The following AGAP1 variants were observed in gnomAD, a reference collection of about 807,000 sequenced individuals.
AGAP1 encodes the protein arf-GAP with GTPase, ANK repeat and PH domain-containing protein 1.
A neutral mutation model predicts 105.3 loss-of-function variants in AGAP1; 29 were observed. The ratio of observed to expected loss-of-function variants is 0.28; its 90% CI spans 0.21 to 0.38. The LOEUF (loss-of-function observed/expected upper bound fraction) is 0.38, where lower values mean the gene tolerates loss of function less well. Among genes scored for constraint, AGAP1 ranks in the 10% least tolerant of loss-of-function variants. AGAP1 has a pLI of 1.00. For synonymous variants in AGAP1, 509 were observed against 485.9 expected, an observed-to-expected ratio of 1.05 and a Z score of -0.63; for missense variants, 998 against 1,165.1, an observed-to-expected ratio of 0.86 and a Z score of 2.09.
chr2:236,012,071 A>G lies in AGAP1; in HGVS notation c.1646-24490A>G, dbSNP rs2056531822. ...CCGATGCACATATCAGGACCTTGGT[A>G]TCAGCTAGAAAACATCCATTTGTTT... is the stretch of plus-strand genomic sequence containing the variant. On this transcript the variant is annotated intron_variant, in intron 13 of 17. Transcript: ENST00000304032. This position sits in a 1 kb window ranked among gnomAD's most constrained non-coding sequence, Gnocchi z 4.9. 6.6e-6 allele frequency among the ~76,000 whole-genome samples: 1 copy of G among 152,198 alleles called. No individual in the cohort carries two copies. The highest frequency in any genetic ancestry group is 1.5e-5 in the Non-Finnish European group (1 of 68,036).
intron 1 of AGAP1, among the ~76,000 whole-genome samples, chr2:235,687,462 G>A (rs776991084): frequency 2.6e-5 from 4 of 152,140 alleles, no homozygotes; most frequent in Non-Finnish European, 5.9e-5. Context: ...GACCTTTGGG[G>A]GTGACAGTCC....
At position 235,882,443 on chromosome 2, in the gene AGAP1, C is replaced by G. The variant is rs2050074531; in HGVS notation, c.1051-902C>G. On this transcript the variant is annotated intron_variant, in intron 9 of 17. Transcript: ENST00000304032. The surrounding 1 kb of genome is among the most constrained non-coding windows in gnomAD (Gnocchi z 4.6). ...TCTCCTGCGTCTCCGTTTTCTTCAGCTTGGCCCTATTGAAGCTGGCGATTC... is the reference window on the plus strand; with the variant it reads ...TCTCCTGCGTCTCCGTTTTCTTCAGGTTGGCCCTATTGAAGCTGGCGATTC... 3.8e-6 allele frequency: 6 copies of G among 1,587,158 alleles called. No homozygotes were observed. Among genetic ancestry groups the G allele is most frequent in the Non-Finnish European group, 5.2e-6 (6 of 1,158,942 alleles).
Position 236,092,311 on chromosome 2 carries a change from C to T in AGAP1, c.2115-27881C>T, listed in dbSNP as rs1290477207. On this transcript the variant is annotated intron_variant, in intron 16 of 17. Transcript: ENST00000304032. This position sits in a 1 kb window ranked among gnomAD's most constrained non-coding sequence, Gnocchi z 4.7. ...CATATCCTATGGTGATAACATACTA[C>T]AGTTTTTCAAGATACTGCCTTTGAG... Among the ~76,000 whole-genome samples, 1 of 152,210 alleles carries T rather than the reference C, an allele frequency of 6.6e-6. No individual in the cohort carries two copies. Among genetic ancestry groups the T allele is most frequent in the Non-Finnish European group, 1.5e-5 (1 of 68,036 alleles).
chr2:235,706,430 A>G (rs1024419520), intron 1 of AGAP1, among the ~76,000 whole-genome samples: 1 of 151,660 alleles, frequency 6.6e-6, no homozygotes, highest in African/African-American at 2.4e-5. Flanking sequence ...GGGTTTCACC[A>G]TGTTAGCCAG....
intron 1 of AGAP1, among the ~76,000 whole-genome samples, chr2:235,544,584 T>G (rs865912457): frequency 1.3e-5 from 2 of 152,170 alleles, no homozygotes; most frequent in Non-Finnish European, 2.9e-5. Context: ...ATGCACGAAG[T>G]CATCCAGGTG....
intron 16 of AGAP1, among the ~76,000 whole-genome samples, chr2:236,066,976 A>G (rs2058361565): frequency 6.6e-6 from 1 of 152,028 alleles, no homozygotes; most frequent in Admixed American, 6.6e-5. Flanking sequence ...CCAATGATAC[A>G]TTTTCCCCAT....
chr2:235,768,257 A>G (rs1955140489), intron 6 of AGAP1, among the ~76,000 whole-genome samples: 1 of 152,224 alleles, frequency 6.6e-6, no homozygotes, highest in Admixed American at 6.5e-5. Flanking sequence ...CTCATATTAG[A>G]ACACTTTCAA....
intron 10 of AGAP1, among the ~76,000 whole-genome samples, chr2:235,894,788 C>T (rs1018814810): frequency 5.3e-5 from 8 of 152,186 alleles, no homozygotes; most frequent in Non-Finnish European, 1.0e-4. Context: ...CGGCTCCTCT[C>T]TTAGCTGATC....
At chr2:235,687,021 A>C (rs1201348035) in intron 1 of AGAP1, among the ~76,000 whole-genome samples, 2 of 151,912 alleles carry the variant, frequency 1.3e-5, no homozygotes, top group Non-Finnish European at 2.9e-5. Flanking sequence ...CTCTCCATTC[A>C]ACCCTGATGA....
intron 16 of AGAP1, among the ~76,000 whole-genome samples, chr2:236,065,869 A>T (rs2058331870): frequency 6.6e-6 from 1 of 152,196 alleles, no homozygotes; most frequent in African/African-American, 2.4e-5. Flanking sequence ...TCCTTATCAG[A>T]TGGGAAAATC....
intron 6 of AGAP1, among the ~76,000 whole-genome samples, chr2:235,759,451 G>C (rs553679604): frequency 2.6e-5 from 4 of 152,038 alleles, no homozygotes; most frequent in African/African-American, 9.7e-5. Context: ...TTACAGGCGT[G>C]AGCCACCGCG....
intron 1 of AGAP1, among the ~76,000 whole-genome samples, chr2:235,652,613 C>T (rs905798391): frequency 3.9e-5 from 6 of 152,118 alleles, no homozygotes; most frequent in African/African-American, 9.7e-5. Context: ...GATCCTAGGC[C>T]GGGTGCGGTG....
chr2:236,011,914 G>T (rs886844558), intron 13 of AGAP1, among the ~76,000 whole-genome samples: 2 of 151,958 alleles, frequency 1.3e-5, no homozygotes, highest in Non-Finnish European at 1.5e-5. Flanking sequence ...CAGTGTCTCC[G>T]TAGCCCCTCA....
Position 235,994,826 on chromosome 2 carries a change from G to A in AGAP1, c.1645+26203G>A, listed in dbSNP as rs1375263715. Among the ~76,000 whole-genome samples the A allele has an allele frequency of 2.0e-5, 3 of 151,156 alleles. No individual in the cohort carries two copies. The highest frequency in any genetic ancestry group is 4.4e-5 in the Non-Finnish European group (3 of 67,818). ...TCACACCTGTAATCCTAGCACTTTGGGAGGCCGAGGCGGGCGGATCACGAG... is the reference window on the plus strand; with the variant it reads ...TCACACCTGTAATCCTAGCACTTTGAGAGGCCGAGGCGGGCGGATCACGAG... On this transcript the variant is annotated intron_variant, in intron 13 of 17. Transcript: ENST00000304032. This position sits in a 1 kb window ranked among gnomAD's most constrained non-coding sequence, Gnocchi z 4.4.
rs376406873 is a variant in AGAP1, at chr2:235,931,504, C to T, written c.1483+581C>T. On this transcript the variant is annotated intron_variant, in intron 12 of 17. Transcript: ENST00000304032. This position sits in a 1 kb window ranked among gnomAD's most constrained non-coding sequence, Gnocchi z 5.6. ...GGGGAATAAGCATGCACGTTGGAAA[C>T]GATCTCGCCGTCTGTGTGGAGCGTG... is the stretch of plus-strand genomic sequence containing the variant. Among the ~76,000 whole-genome samples, 18 of 152,056 alleles carry T rather than the reference C, an allele frequency of 1.2e-4. 1 individual carries two copies. In the South Asian group the frequency reaches 1.2e-3, roughly 11 times the overall value.
intron 12 of AGAP1, among the ~76,000 whole-genome samples, chr2:235,937,055 T>A (rs2053025504): frequency 6.6e-6 from 1 of 152,218 alleles, no homozygotes; most frequent in Non-Finnish European, 1.5e-5. Context: ...AGACATTTTG[T>A]CTTCTCTCAC....
At chr2:236,079,303 G>A (rs2058720293) in intron 16 of AGAP1, among the ~76,000 whole-genome samples, 1 of 151,098 alleles carries the variant, frequency 6.6e-6, no homozygotes, top group Non-Finnish European at 1.5e-5. Flanking sequence ...AGAGTTTCTT[G>A]AGGCCAGGAG....
In AGAP1 at chr2:235,692,590, G is replaced by A. The variant is rs1480295447; in HGVS notation, c.164-16589G>A. On this transcript the variant is annotated intron_variant, in intron 1 of 17. Transcript: ENST00000304032. The surrounding 1 kb of genome is among the most constrained non-coding windows in gnomAD (Gnocchi z 5.8). ...CCTTGCCCTCCCCCCTTGCCTTCCT[G>A]GGCCATCCTTTTCTGACTCAGCCTC... Among the ~76,000 whole-genome samples the A allele has an allele frequency of 1.3e-5, 2 of 150,926 alleles. No individual in the cohort carries two copies. Among genetic ancestry groups the A allele is most frequent in the Non-Finnish European group, 3.0e-5 (2 of 67,796 alleles).
intron 1 of AGAP1, among the ~76,000 whole-genome samples, chr2:235,576,395 A>G (rs1241853394): frequency 2.0e-5 from 3 of 152,202 alleles, no homozygotes; most frequent in Non-Finnish European, 4.4e-5. Flanking sequence ...CGTGCTTCTC[A>G]GTGCGCTGTG....
Sources: allele counts gnomAD v4.1 joint callset (sites outside exome capture counted in the v4.1 genomes callset), GRCh38; gene constraint gnomAD v4.1.1; non-coding constraint Gnocchi (gnomAD v3.1); transcripts MANE v1.5; gene names NCBI Gene and HGNC (gene_info 2026-07-23, HGNC 2026-07-21).